Variants in PTPDC1 observed in about 807,000 individuals in gnomAD.
PTPDC1 encodes protein tyrosine phosphatase domain containing 1.
A neutral mutation model predicts 75.3 loss-of-function variants in PTPDC1; 53 were observed. That is an observed-to-expected ratio of 0.70 (90% CI 0.56 to 0.88). The LOEUF is 0.88. Ranked by LOEUF, PTPDC1 falls within the 40% of genes least tolerant of loss-of-function variation. The pLI is 0.00. For synonymous variants in PTPDC1, 349 were observed against 366.2 expected (o/e 0.95, Z 0.54); for missense variants, 925 against 998.6 (o/e 0.93, Z 0.99).
chr9:94,088,408 C>T, intron 4 of PTPDC1, 145 bp downstream of exon 4: 1 of 936,378 alleles, frequency 1.1e-6, no homozygotes. Flanking sequence ...CTACCATTCT[C>T]TTTGGTATTG....
upstream of PTPDC1, among the ~76,000 whole-genome samples, chr9:94,080,508 G>A (rs1000580386): frequency 6.6e-6 from 1 of 152,170 alleles, no homozygotes. Flanking sequence ...GAGAGGGCCT[G>A]GCAGCAGTAA....
At chr9:94,040,969 C>G (rs1404537400) in intron 1 of PTPDC1, among the ~76,000 whole-genome samples, 1 of 152,214 alleles carries the variant, frequency 6.6e-6, no homozygotes, top group African/African-American at 2.4e-5. Flanking sequence ...TTCTCCTTCA[C>G]CATGTCCATT....
chr9:94,045,842 A>G (rs1024567383), intron 1 of PTPDC1, among the ~76,000 whole-genome samples: 2 of 151,926 alleles, frequency 1.3e-5, no homozygotes, highest in African/African-American at 4.8e-5. Flanking sequence ...GAAGCTCTTT[A>G]GTTTAATTAG....
At chr9:94,072,164 C>T (rs1237351729) in intron 2 of PTPDC1, among the ~76,000 whole-genome samples, 1 of 152,130 alleles carries the variant, frequency 6.6e-6, no homozygotes, top group East Asian at 1.9e-4. Context: ...CCTGCCACCA[C>T]GCCCAGCTAA....
intron 8 of PTPDC1, among the ~76,000 whole-genome samples, chr9:94,106,591 C>G (rs1828031163): frequency 6.6e-6 from 1 of 152,138 alleles, no homozygotes; most frequent in Non-Finnish European, 1.5e-5. Flanking sequence ...GTCTCTGACC[C>G]AGGAATCTCG....
intron 1 of PTPDC1, among the ~76,000 whole-genome samples, chr9:94,035,289 A>G (rs1359296462): frequency 2.6e-5 from 4 of 152,294 alleles, no homozygotes; most frequent in Admixed American, 6.5e-5. Context: ...CTTCTTGTCT[A>G]ACTGAGGCTT....
upstream of PTPDC1, among the ~76,000 whole-genome samples, chr9:94,079,520 A>G (rs543312491): frequency 6.6e-6 from 1 of 152,218 alleles, no homozygotes; most frequent in South Asian, 2.1e-4. Flanking sequence ...CCATGAGAGG[A>G]CTTAGTTGTC....
At chr9:94,063,443 T>C (rs1826205302) in intron 1 of PTPDC1, among the ~76,000 whole-genome samples, 1 of 152,214 alleles carries the variant, frequency 6.6e-6, no homozygotes, top group African/African-American at 2.4e-5. Flanking sequence ...GTAACGTTCA[T>C]TTGAAATACT....
At chr9:94,105,977 A>C (rs1399715828) in intron 8 of PTPDC1, among the ~76,000 whole-genome samples, 2 of 152,126 alleles carry the variant, frequency 1.3e-5, no homozygotes, top group African/African-American at 2.4e-5. Flanking sequence ...CATCTCAAAA[A>C]AAAAAAAGTA....
At chr9:94,068,807 G>A (rs990090643) in intron 2 of PTPDC1, among the ~76,000 whole-genome samples, 5 of 152,120 alleles carry the variant, frequency 3.3e-5, no homozygotes, top group African/African-American at 4.8e-5. Context: ...GTTTTTATTA[G>A]TTAGCATTCT....
At chr9:94,095,597 C>T (rs955979905) in intron 5 of PTPDC1, 143 bp downstream of exon 5, 1 of 636,682 alleles carries the variant, frequency 1.6e-6, no homozygotes, top group Admixed American at 3.0e-5. Context: ...TTCTAGTGTT[C>T]TGTACCACTG....
intron 1 of PTPDC1, among the ~76,000 whole-genome samples, chr9:94,046,471 C>A (rs540556652): frequency 5.3e-5 from 8 of 152,268 alleles, no homozygotes; most frequent in African/African-American, 1.9e-4. Context: ...TTCTTCCTAC[C>A]TATGAGCATG....
rs992779197 is a variant in PTPDC1, at chr9:94,098,035, C to T, written c.1469C>T (p.Pro490Leu). Residue 490 changes from proline (P) to leucine (L), a missense_variant, in exon 6 of 9, where the codon CCA becomes CTA. By Grantham distance (98) the Pro-to-Leu change is moderately conservative (BLOSUM62 -3). Coordinates refer to ENST00000620992, the MANE Select transcript of PTPDC1 (RefSeq NM_001253829.2). ...AAGCTCATAAGCCATTGTTACATCC[C>T]ACAGTCTCCAGAACCAGACTTACAC... ...QQKLISHCYI[P>L]QSPEPDLHKE... 19 of 1,614,116 alleles carry T rather than the reference C, an allele frequency of 1.2e-5. No homozygotes were observed. The highest frequency in any genetic ancestry group is 1.6e-5 in the Non-Finnish European group (19 of 1,180,054).
upstream of PTPDC1, among the ~76,000 whole-genome samples, chr9:94,082,499 G>T (rs191943168): frequency 1.6e-4 from 24 of 152,278 alleles, no homozygotes; most frequent in Non-Finnish European, 1.5e-5. Flanking sequence ...TTTCTTTGTT[G>T]TGTTTATTGT....
At chr9:94,064,739 C>G (rs1244932385) in exon 2 of PTPDC1, 1 of 1,611,636 alleles carries the variant, frequency 6.2e-7, no homozygotes, top group Non-Finnish European at 8.5e-7. Context: ...AACAGACTAC[C>G]ATGGCTGCAG....
chr9:94,052,152 G>A (rs1277180197), intron 1 of PTPDC1, among the ~76,000 whole-genome samples: 3 of 151,946 alleles, frequency 2.0e-5, no homozygotes, highest in Admixed American at 6.6e-5. Context: ...TCACATTGTT[G>A]TGCAAGATAT....
rs750098455 is a variant in PTPDC1, at chr9:94,085,397, G to T, written c.391G>T (p.Ala131Ser). 3 of 1,614,208 alleles carry T rather than the reference G, an allele frequency of 1.9e-6. No individual in the cohort carries two copies. Among genetic ancestry groups the T allele is most frequent in the Non-Finnish European group, 2.5e-6 (3 of 1,180,034 alleles). Residue 131 changes from alanine (A) to serine (S), a missense_variant, in exon 2 of 9, where the codon GCC becomes TCC. Physicochemically the swap from Ala to Ser is moderately conservative, Grantham distance 99. Transcript: ENST00000620992. The stretch of plus-strand genomic sequence containing the variant: ...AGCCCGCTGGAGTGAGCAGGAGCAA[G>T]CCATTAAGGGGGTTTACTCATCCTG... ...NPARWSEQEQ[A>S]IKGVYSSWVT...
chr9:94,045,432 A>G (rs1587841749), intron 1 of PTPDC1, among the ~76,000 whole-genome samples: 2 of 152,280 alleles, frequency 1.3e-5, no homozygotes, highest in Admixed American at 6.5e-5. Context: ...GACTTCCACA[A>G]TGGTTGAACT....
At chr9:94,057,354 G>A (rs1825975077) in intron 1 of PTPDC1, among the ~76,000 whole-genome samples, 1 of 152,150 alleles carries the variant, frequency 6.6e-6, no homozygotes. Context: ...AAAGTGCTGG[G>A]ATTACAGGTA....
Sources: gnomAD v4.1 joint callset for allele counts (sites outside exome capture counted in the v4.1 genomes callset) on GRCh38, gnomAD v4.1.1 for gene constraint, MANE v1.5 for transcripts, NCBI Gene and HGNC (gene_info 2026-07-23, HGNC 2026-07-21) for gene names.